Variants in PDE6A observed in about 807,000 individuals in gnomAD.
The protein encoded by PDE6A is rod cGMP-specific 3',5'-cyclic phosphodiesterase subunit alpha.
PDE6A carries 84 observed loss-of-function variants against 106.3 expected under a neutral mutation model. The observed-to-expected ratio is 0.79, with a 90% CI of 0.66 to 0.95. The LOEUF is 0.95. PDE6A is among the 40% of genes least tolerant of loss of function. The pLI is 0.00. For missense variants in PDE6A, 1,052 were observed against 1,084.9 expected, an observed-to-expected ratio of 0.97 and a Z score of 0.43; for synonymous variants, 394 against 386.6, an observed-to-expected ratio of 1.02 and a Z score of -0.23.
rs536432480 is a variant in PDE6A at position 149,930,606 on chromosome 5, C to T, written c.858+422G>A. 2.0e-5 allele frequency among the ~76,000 whole-genome samples: 3 copies of T among 152,318 alleles called. No individual in the cohort carries two copies. The East Asian group carries it at 5.8e-4, about 29-fold the overall frequency. The stretch of plus-strand genomic sequence containing the variant: ...TGAGGGACCCGATGTCGGCATCTGC[C>T]TCCACTTAATTGCCTGGGTGAGCTC... On this transcript the variant is annotated intron_variant, in intron 4 of 21. Transcript: ENST00000255266.
At chr5:149,861,241 T>C (rs113988229) in intron 21 of PDE6A, among the ~76,000 whole-genome samples, 9,538 of 152,298 alleles carry the variant, frequency 0.063, 418 homozygotes, top group African/African-American at 0.12. Context: ...CATGACAAAC[T>C]AGAGACAGCC....
chr5:149,912,682 C>T (rs542231796), intron 6 of PDE6A, among the ~76,000 whole-genome samples: 4 of 152,146 alleles, frequency 2.6e-5, no homozygotes, highest in East Asian at 1.9e-4. Context: ...CAACCACACC[C>T]GCTAGCTGGC....
At chr5:149,939,433 G>A (rs1754270278) in intron 1 of PDE6A, among the ~76,000 whole-genome samples, 1 of 152,182 alleles carries the variant, frequency 6.6e-6, no homozygotes, top group South Asian at 2.1e-4. Flanking sequence ...AATCTAAACT[G>A]AAAGCTCCAG....
rs189442991 is a variant in PDE6A, at chr5:149,932,479, T to C, written c.718-1311A>G. ...GGTCTTGAAAATGAAACATCCTCAT[T>C]ATTTCCTGCTACAACAATCCTCTCT... is the stretch of plus-strand genomic sequence containing the variant. On this transcript the variant is annotated intron_variant, in intron 3 of 21. Coordinates refer to ENST00000255266, the MANE Select transcript of PDE6A (RefSeq NM_000440.3). The C allele has an allele frequency of 1.9e-3, 2,677 of 1,397,868 alleles. 22 individuals carry two copies. The highest frequency in any genetic ancestry group is 0.013 in the South Asian group (1,153 of 86,440). The allele number at this position is 1,397,868 out of a possible 1,614,324, so 86.6% of individuals were successfully genotyped here.
intron 8 of PDE6A, among the ~76,000 whole-genome samples, chr5:149,902,161 T>C (rs1753001108): frequency 1.3e-5 from 2 of 152,186 alleles, no homozygotes; most frequent in Non-Finnish European, 2.9e-5. Flanking sequence ...CTCTCTAGAA[T>C]CTTCTCCTGC....
At chr5:149,916,556 G>A (rs1237398791) in intron 5 of PDE6A, among the ~76,000 whole-genome samples, 1 of 152,044 alleles carries the variant, frequency 6.6e-6, no homozygotes, top group Non-Finnish European at 1.5e-5. Context: ...CCGCCTCCTT[G>A]CATTGTTAAA....
rs138273488 is a variant in PDE6A at position 149,884,604 on chromosome 5, T to C, written c.1927-25A>G. On this transcript the variant is annotated intron_variant, in intron 15 of 21. Coordinates refer to ENST00000255266, the MANE Select transcript of PDE6A (RefSeq NM_000440.3). Reference sequence around the variant, plus strand: ...TCTAAAGAAAAAAAGAGAAGCGAGATGGGAGAGAATTGATGCTGGCAGTAA... The same window carrying C: ...TCTAAAGAAAAAAAGAGAAGCGAGACGGGAGAGAATTGATGCTGGCAGTAA... 523 of 1,578,236 alleles carry C rather than the reference T, an allele frequency of 3.3e-4. 3 individuals carry two copies. In the African/African-American group the frequency reaches 6.2e-3, roughly 19 times the overall value.
intron 16 of PDE6A, among the ~76,000 whole-genome samples, chr5:149,884,199 A>ATATATAT (rs1292414362): frequency 7.0e-6 from 1 of 142,338 alleles, no homozygotes. Flanking sequence ...AAAAAAAAAA[A>ATATATAT]ATATATATAT....
At chr5:149,900,397 A>ATATATATATATATATATATATATATC (rs1240396619) in intron 8 of PDE6A, among the ~76,000 whole-genome samples, 1 of 135,030 alleles carries the variant, frequency 7.4e-6, no homozygotes, top group African/African-American at 2.8e-5. Flanking sequence ...ATATATATAT[A>ATATATATATATATATATATATATATC]TCCGTTGGTT....
intron 1 of PDE6A, among the ~76,000 whole-genome samples, chr5:149,941,769 A>AT (rs1166835999): frequency 6.6e-6 from 1 of 152,258 alleles, no homozygotes; most frequent in Non-Finnish European, 1.5e-5. Flanking sequence ...ACAGTCCCAG[A>AT]TTCAAGGAGA....
In PDE6A at chr5:149,899,379, A is replaced by G. The variant is rs1203572140; in HGVS notation, c.1259T>C (p.Met420Thr). ...AGGCCTCCTAGCAAGCCATACCTCCATGAGCGTCTCATCCATTTCATCAAA... is the reference window on the plus strand; with the variant it reads ...AGGCCTCCTAGCAAGCCATACCTCCGTGAGCGTCTCATCCATTTCATCAAA... ...KPFDEMDETL[M>T]ESLTQFLGWS... Residue 420 changes from methionine (M) to threonine (T), a missense_variant, in exon 9 of 22, where the codon ATG becomes ACG. Physicochemically the swap from Met to Thr is moderately conservative, Grantham distance 81. Coordinates refer to ENST00000255266, the MANE Select transcript of PDE6A (RefSeq NM_000440.3). 1 of 1,614,016 alleles carries G rather than the reference A, an allele frequency of 6.2e-7. No individual in the cohort carries two copies. Among genetic ancestry groups the G allele is most frequent in the Non-Finnish European group, 8.5e-7 (1 of 1,180,016 alleles).
intron 5 of PDE6A, among the ~76,000 whole-genome samples, chr5:149,918,778 CTTTTCTTT>C: frequency 6.6e-6 from 1 of 151,594 alleles, no homozygotes; most frequent in South Asian, 2.1e-4. Flanking sequence ...TGCCCGGCTA[CTTTTCTTT>C]TTTTCTTTTT....
chr5:149,908,769 C>T (rs997703106), intron 6 of PDE6A, among the ~76,000 whole-genome samples: 2 of 151,986 alleles, frequency 1.3e-5, no homozygotes, highest in African/African-American at 2.4e-5. Context: ...ATAGCCCCAG[C>T]GACTGAGGAG....
chr5:149,900,375 G>GTATATATATGTATATATATA (rs1752924695), intron 8 of PDE6A, among the ~76,000 whole-genome samples: 2 of 82,582 alleles, frequency 2.4e-5, no homozygotes, highest in African/African-American at 3.8e-5. Flanking sequence ...AAATATATAT[G>GTATATATATGTATATATATA]TATATATATA....
intron 5 of PDE6A, among the ~76,000 whole-genome samples, chr5:149,917,062 T>C (rs1753574840): frequency 6.6e-6 from 1 of 152,072 alleles, no homozygotes; most frequent in Non-Finnish European, 1.5e-5. Context: ...TTTTTTTTTT[T>C]TTGTGACGGA....
intron 17 of PDE6A, among the ~76,000 whole-genome samples, chr5:149,882,831 G>A (rs1164228630): frequency 6.6e-6 from 1 of 152,184 alleles, no homozygotes; most frequent in East Asian, 1.9e-4. Context: ...ACAGAGGTGG[G>A]TGTATCACTT....
rs1581180278 is a variant in PDE6A, at chr5:149,898,398, C to T, written c.1372G>A (p.Val458Met). Reference sequence around the variant, plus strand: ...TGAATTTCTTCATTGTCACACTTCACATGATATTTTACTATGTCCTGGAAA... The same window carrying T: ...TGAATTTCTTCATTGTCACACTTCATATGATATTTTACTATGTCCTGGAAA... The part of the protein sequence containing the change: ...DIFQDIVKYH[V>M]KCDNEEIQKI... Residue 458 changes from valine (V) to methionine (M), a missense_variant, in exon 10 of 22, where the codon GTG becomes ATG. Physicochemically the swap from Val to Met is conservative, Grantham distance 21 (BLOSUM62 1). Coordinates refer to ENST00000255266, the MANE Select transcript of PDE6A (RefSeq NM_000440.3). 1 of 1,613,420 alleles carries T rather than the reference C, an allele frequency of 6.2e-7. No homozygotes were observed. The highest frequency in any genetic ancestry group is 2.2e-5 in the East Asian group (1 of 44,882).
Position 149,934,008 on chromosome 5 carries a change from C to T in PDE6A, c.639G>A (p.Lys213=). The stretch of plus-strand genomic sequence containing the variant: ...TGATTAGATTTGCAAAATTGAGGTA[C>T]TTGAGAAGAATCTAAAAATCAAACA... The part of the protein sequence containing the change: ...FTKRDEEILL[K]YLNFANLIMK... The change falls in exon 3 of 22, where the codon AAG becomes AAA. Residue 213 remains lysine (K), a synonymous_variant. Transcript: ENST00000255266. The T allele has an allele frequency of 6.2e-7, 1 of 1,607,258 alleles. No individual in the cohort carries two copies. The highest frequency in any genetic ancestry group is 1.1e-5 in the South Asian group (1 of 90,842).
At chr5:149,906,032 A>T (rs1481832884) in intron 7 of PDE6A, among the ~76,000 whole-genome samples, 3 of 151,486 alleles carry the variant, frequency 2.0e-5, no homozygotes, top group African/African-American at 7.3e-5. Flanking sequence ...TAATTTTTAA[A>T]TTTTTTGTAG....
Sources: gnomAD v4.1 joint callset for allele counts (sites outside exome capture counted in the v4.1 genomes callset) on GRCh38, gnomAD v4.1.1 for gene constraint, MANE v1.5 for transcripts, NCBI Gene and HGNC (gene_info 2026-07-23, HGNC 2026-07-21) for gene names.